CDC25C: variants seen among roughly 807,000 people sequenced by gnomAD.
The protein encoded by CDC25C is M-phase inducer phosphatase 3.
In CDC25C, 48 loss-of-function variants were observed where a neutral mutation model predicts 52.5. The observed-to-expected ratio is 0.91, with a 90% confidence interval of 0.72 to 1.16. CDC25C has a LOEUF of 1.16. CDC25C is among the 50% of genes most tolerant of loss of function. The pLI is 0.00. For synonymous variants in CDC25C, 187 were observed against 206.5 expected (o/e 0.91, Z 0.81); for missense variants, 510 against 566.1 (o/e 0.90, Z 1.01).
At chr5:138,304,149 T>C (rs13182414) in intron 7 of CDC25C, among the ~76,000 whole-genome samples, 1 of 151,876 alleles carries the variant, frequency 6.6e-6, no homozygotes, top group African/African-American at 2.4e-5. Flanking sequence ...ATCCAAAATA[T>C]ATATATCTAT....
intron 7 of CDC25C, among the ~76,000 whole-genome samples, chr5:138,308,651 C>A (rs1250694481): frequency 1.3e-5 from 2 of 152,126 alleles, no homozygotes; most frequent in South Asian, 4.1e-4. Flanking sequence ...AGGAAGGTCA[C>A]TGTCAATTCT....
At chr5:138,305,495 A>G (rs7703608) in intron 7 of CDC25C, among the ~76,000 whole-genome samples, 149,723 of 152,242 alleles carry the variant, frequency 0.98, 73,700 homozygotes, top group East Asian at 1. Flanking sequence ...TTGAACTGCT[A>G]GACTCAAACA....
intron 7 of CDC25C, among the ~76,000 whole-genome samples, chr5:138,302,517 T>C (rs183893063): frequency 6.6e-6 from 1 of 150,702 alleles, no homozygotes; most frequent in African/African-American, 2.4e-5. Flanking sequence ...CTAACCAACA[T>C]AGAGAAACCC....
At chr5:138,336,810 A>G (rs548864964), upstream of CDC25C, 1 of 152,348 alleles carries the variant, frequency 6.6e-6, no homozygotes, top group East Asian at 1.9e-4. Flanking sequence ...AGTGCAAGGT[A>G]AATCTTTCCA....
At chr5:138,334,007 C>T (rs1016658742), upstream of CDC25C, among the ~76,000 whole-genome samples, 19 of 151,994 alleles carry the variant, frequency 1.3e-4, no homozygotes, top group Non-Finnish European at 5.9e-5. Context: ...AATCTTGGCC[C>T]ACTGCAACCT....
intron 10 of CDC25C, among the ~76,000 whole-genome samples, chr5:138,289,233 A>C (rs902384268): frequency 2.6e-5 from 4 of 152,138 alleles, no homozygotes; most frequent in African/African-American, 9.7e-5. Context: ...TCAGCCTCCC[A>C]AAATGCTAGG....
At chr5:138,308,637 T>C (rs1168460926) in intron 7 of CDC25C, among the ~76,000 whole-genome samples, 1 of 152,112 alleles carries the variant, frequency 6.6e-6, no homozygotes, top group Non-Finnish European at 1.5e-5. Context: ...CTGTTTTATG[T>C]TTTAGGAAGG....
intron 6 of CDC25C, among the ~76,000 whole-genome samples, chr5:138,324,695 T>C (rs1759714528): frequency 6.6e-6 from 1 of 151,380 alleles, no homozygotes; most frequent in Non-Finnish European, 1.5e-5. Flanking sequence ...GAGGTAGAGG[T>C]TGCAGTGAGC....
At chr5:138,330,885 G>C (rs1431190735) in intron 2 of CDC25C, 102 bp downstream of exon 2, 1 of 796,672 alleles carries the variant, frequency 1.3e-6, no homozygotes, top group East Asian at 2.5e-5. Context: ...GAGACTTAAA[G>C]CCTGACCTTT....
intron 2 of CDC25C, among the ~76,000 whole-genome samples, chr5:138,330,697 C>A (rs1389174518): frequency 6.6e-6 from 1 of 152,236 alleles, no homozygotes; most frequent in East Asian, 1.9e-4. Context: ...TTTGTAGAGA[C>A]GGCGTCTTGC....
Position 138,320,915 on chromosome 5 carries a change from C to CAAAA in CDC25C, c.460-1545_460-1542dup, listed in dbSNP as rs57923567. 4.5e-4 allele frequency among the ~76,000 whole-genome samples: 19 copies of CAAAA among 42,232 alleles called. 3 individuals are homozygous for CAAAA. The highest frequency in any genetic ancestry group is 1.8e-3 in the African/African-American group (16 of 8,772). 27.7% of individuals were successfully genotyped at this position (42,232 alleles called of 152,430 possible). ...TGGGTGACAGAGTGAGACTCTGTCTCAAAAAAAAAAAAAAAAAAAAAAAAA... is the reference window on the plus strand; with the variant it reads ...TGGGTGACAGAGTGAGACTCTGTCTCAAAAAAAAAAAAAAAAAAAAAAAAAAAAA... On this transcript the variant is annotated intron_variant, in intron 6 of 13. Transcript: ENST00000323760.
intron 7 of CDC25C, among the ~76,000 whole-genome samples, chr5:138,308,583 G>A (rs1329377655): frequency 6.6e-6 from 1 of 151,908 alleles, no homozygotes. Context: ...CCAACTCACT[G>A]TTTTTCTATA....
chr5:138,335,715 C>T (rs536835566), upstream of CDC25C, among the ~76,000 whole-genome samples: 5 of 150,874 alleles, frequency 3.3e-5, no homozygotes, highest in Admixed American at 6.6e-5. Flanking sequence ...TTATAGATGA[C>T]GAAAGGGGAT....
intron 6 of CDC25C, among the ~76,000 whole-genome samples, chr5:138,323,196 G>T (rs556641622): frequency 9.9e-5 from 15 of 152,108 alleles, no homozygotes; most frequent in African/African-American, 3.1e-4. Flanking sequence ...CTCCCAAAGC[G>T]GTGGGATTAC....
intron 7 of CDC25C, among the ~76,000 whole-genome samples, chr5:138,316,892 G>A (rs1758919047): frequency 6.6e-6 from 1 of 152,102 alleles, no homozygotes; most frequent in African/African-American, 2.4e-5. Context: ...ACTCAATAAA[G>A]CTTCTCTTCG....
At position 138,325,820 on chromosome 5, in the gene CDC25C, C is replaced by G. The variant is rs1042040739; in HGVS notation, c.454G>C (p.Glu152Gln). Residue 152 changes from glutamate (E) to glutamine (Q), a missense_variant, in exon 6 of 14, where the codon GAA (glutamate) becomes CAA (glutamine). Transcript: ENST00000323760. ...GGTTTCCATTAAACACTCACATTTTCTTTATTTGCAGATGAACTACACATT... is the reference window on the plus strand; with the variant it reads ...GGTTTCCATTAAACACTCACATTTTGTTTATTTGCAGATGAACTACACATT... The part of the protein sequence containing the change: ...DAMCSSSANK[E>Q]NDNGNLVDSE... 1.9e-6 allele frequency: 3 copies of G among 1,609,858 alleles called. No homozygotes were observed. Among genetic ancestry groups the G allele is most frequent in the Non-Finnish European group, 2.6e-6 (3 of 1,176,320 alleles).
rs1234866258 is a variant in CDC25C at position 138,331,130 on chromosome 5, T to A, written c.51A>T (p.Ser17=). 7 of 1,613,966 alleles carry A rather than the reference T, an allele frequency of 4.3e-6. No individual in the cohort carries two copies. Among genetic ancestry groups the A allele is most frequent in the Non-Finnish European group, 5.9e-6 (7 of 1,179,786 alleles). The change falls in exon 2 of 14, where the codon TCA becomes TCT. Residue 17 remains serine, a synonymous_variant. Transcript: ENST00000323760. ...SSTREEGSSG[S]GPSFRSNQRK... ...TTTGATTAGACCTAAAACTGGGTCC[T>A]GAGCCAGAGCTTCCTTCCTCTCTTG...
intron 6 of CDC25C, among the ~76,000 whole-genome samples, chr5:138,325,444 T>G (rs904073783): frequency 2.6e-5 from 4 of 152,128 alleles, no homozygotes; most frequent in African/African-American, 4.8e-5. Context: ...TACACTTGCA[T>G]GTAAAGTGGT....
chr5:138,297,099 G>C (rs1757267926), intron 7 of CDC25C, among the ~76,000 whole-genome samples: 3 of 150,428 alleles, frequency 2.0e-5, no homozygotes, highest in South Asian at 4.2e-4. Context: ...TTTTAGTAGA[G>C]ACGGGGTTTC....
Sources: gnomAD v4.1 joint callset for allele counts (sites outside exome capture counted in the v4.1 genomes callset) on GRCh38, gnomAD v4.1.1 for gene constraint, MANE v1.5 for transcripts, NCBI Gene and HGNC (gene_info 2026-07-23, HGNC 2026-07-21) for gene names.